Variants in DIXDC1 observed in about 807,000 individuals in gnomAD.
DIXDC1 encodes the protein dixin.
In DIXDC1, 64 loss-of-function variants were observed where a neutral mutation model predicts 103.1. The observed-to-expected ratio is 0.62, with a 90% CI of 0.51 to 0.76. DIXDC1 has a LOEUF of 0.76. Among genes scored for constraint, DIXDC1 ranks in the 30% least tolerant of loss-of-function variants. The pLI, the probability that DIXDC1 is intolerant of heterozygous loss-of-function variation, is 0.00. For missense variants in DIXDC1, 759 were observed against 834.2 expected (o/e 0.91, Z 1.11); for synonymous variants, 266 against 298.5 (o/e 0.89, Z 1.12).
chr11:111,969,379 A>G (rs1859838897), intron 3 of DIXDC1, among the ~76,000 whole-genome samples: 1 of 152,188 alleles, frequency 6.6e-6, no homozygotes, highest in African/African-American at 2.4e-5. Context: ...TTTCATGACA[A>G]AATATTATTT....
intron 1 of DIXDC1, chr11:111,929,714 G>T: frequency 1.6e-6 from 1 of 617,380 alleles, no homozygotes; most frequent in Non-Finnish European, 2.7e-6. Flanking sequence ...GACTTAAGTT[G>T]GTAGGTTTTG....
chr11:111,990,237 C>T (rs941317079), intron 10 of DIXDC1, among the ~76,000 whole-genome samples: 4 of 151,682 alleles, frequency 2.6e-5, no homozygotes, highest in African/African-American at 4.9e-5. Flanking sequence ...ATTACAGGTG[C>T]GCACCATCAC....
intron 10 of DIXDC1, among the ~76,000 whole-genome samples, chr11:111,990,750 G>A (rs1308538111): frequency 4.0e-5 from 6 of 151,774 alleles, no homozygotes; most frequent in African/African-American, 1.5e-4. Context: ...CTGTCGCCCA[G>A]AGCTGGAGTG....
chr11:111,933,780 C>T (rs1555167897), upstream of DIXDC1, among the ~76,000 whole-genome samples: 1 of 150,158 alleles, frequency 6.7e-6, no homozygotes, highest in East Asian at 1.9e-4. Flanking sequence ...TTCAAACTGC[C>T]TTTCTGTTTC....
In DIXDC1 at chr11:112,020,936, G is replaced by A. The variant is rs1165267697; in HGVS notation, c.*1900G>A. The A allele has an allele frequency of 6.6e-6, 1 of 152,244 alleles. No homozygotes were observed. Among genetic ancestry groups the A allele is most frequent in the African/African-American group, 2.4e-5 (1 of 41,466 alleles). The allele number at this position is 152,244 out of a possible 1,614,324, so 9.4% of individuals were successfully genotyped here. On this transcript the variant is annotated 3_prime_UTR_variant, in exon 20 of 20. Transcript: ENST00000440460. ...TCACAGTTTTTCCCCAGGAAGTCTGGAGAAAAAGTCCTCATGTCACCAATT... is the reference window on the plus strand; with the variant it reads ...TCACAGTTTTTCCCCAGGAAGTCTGAAGAAAAAGTCCTCATGTCACCAATT...
chr11:111,947,752 T>C (rs1425742332), intron 1 of DIXDC1, among the ~76,000 whole-genome samples: 7 of 152,230 alleles, frequency 4.6e-5, no homozygotes, highest in African/African-American at 1.4e-4. Context: ...TTAGATGCCA[T>C]TGAACAGATT....
chr11:111,935,258 G>A (rs1318137916), upstream of DIXDC1, among the ~76,000 whole-genome samples: 2 of 152,246 alleles, frequency 1.3e-5, no homozygotes, highest in Non-Finnish European at 2.9e-5. Flanking sequence ...CTGAGTGACT[G>A]TGAGCACCTC....
chr11:111,949,322 C>T (rs1273966896), intron 1 of DIXDC1, among the ~76,000 whole-genome samples: 12 of 152,148 alleles, frequency 7.9e-5, no homozygotes, highest in East Asian at 5.8e-4. Flanking sequence ...CTCTCAAAAC[C>T]GAGCCATTGA....
In DIXDC1 at chr11:111,956,907, G is replaced by A. The variant is rs1373285565; in HGVS notation, c.61-7642G>A. Among the ~76,000 whole-genome samples the A allele has an allele frequency of 6.6e-5, 10 of 152,002 alleles. No individual in the cohort carries two copies. The South Asian group carries it at 8.3e-4, about 13-fold the overall frequency. ...GAGGGCCAGGCATGGGAGTTCATGC[G>A]TGTAATCCCAGCACTTTGGGAGGCT... On this transcript the variant is annotated intron_variant, in intron 1 of 19. Coordinates refer to ENST00000440460, the MANE Select transcript of DIXDC1 (RefSeq NM_001037954.4).
chr11:112,006,583 T>TAC (rs1326416795), intron 17 of DIXDC1, among the ~76,000 whole-genome samples: 2 of 152,148 alleles, frequency 1.3e-5, no homozygotes, highest in African/African-American at 4.8e-5. Flanking sequence ...GGACAAAGCT[T>TAC]ACAGAGGAAG....
Position 112,018,962 on chromosome 11 carries a change from C to G in DIXDC1, c.1978C>G (p.His660Asp). The G allele has an allele frequency of 1.2e-6, 2 of 1,611,146 alleles. No homozygotes were observed. The highest frequency in any genetic ancestry group is 1.7e-6 in the Non-Finnish European group (2 of 1,178,176). The change falls in exon 20 of 20, where the codon CAT becomes GAT. Residue 660 changes from histidine (H) to aspartate (D), a missense_variant. This residue lies in a region of DIXDC1 where 657 missense variants were observed against 727.5 expected (regional missense o/e 0.90). Coordinates refer to ENST00000440460, the MANE Select transcript of DIXDC1 (RefSeq NM_001037954.4). ...EFGTVKEEIF[H>D]DDDAIPGWEG... ...TTTTTGTTTTTTTCTCTAGATTTTC[C>G]ATGATGATGATGCCATCCCTGGATG... is the stretch of plus-strand genomic sequence containing the variant.
At chr11:111,974,398 A>G in intron 4 of DIXDC1, 144 bp downstream of exon 4, 1 of 737,090 alleles carries the variant, frequency 1.4e-6, no homozygotes, top group South Asian at 2.0e-5. Context: ...AGGGGAGGGC[A>G]CTCTCAAAAG....
In DIXDC1 at chr11:111,977,997, C is replaced by G. The variant is rs756896755; in HGVS notation, c.657-2740C>G. On this transcript the variant is annotated intron_variant, in intron 5 of 19. Coordinates refer to ENST00000440460, the MANE Select transcript of DIXDC1 (RefSeq NM_001037954.4). This position sits in a 1 kb window ranked among gnomAD's most constrained non-coding sequence, Gnocchi z 6.1. ...ATGGGGGGAGGATGAGTAGCCCTTGCGCCTGCCAGGGTCTTTGGTGGGGGA... is the reference window on the plus strand; with the variant it reads ...ATGGGGGGAGGATGAGTAGCCCTTGGGCCTGCCAGGGTCTTTGGTGGGGGA... Among the ~76,000 whole-genome samples, 5 of 151,976 alleles carry G rather than the reference C, an allele frequency of 3.3e-5. No individual in the cohort carries two copies. Among genetic ancestry groups the G allele is most frequent in the Non-Finnish European group, 5.9e-5 (4 of 67,994 alleles).
intron 17 of DIXDC1, among the ~76,000 whole-genome samples, chr11:112,014,345 C>T (rs1025902859): frequency 6.6e-6 from 1 of 152,188 alleles, no homozygotes; most frequent in African/African-American, 2.4e-5. Flanking sequence ...TGGCTGCTGC[C>T]TACTTAATTA....
At chr11:111,939,816 G>A (rs1367179513) in intron 1 of DIXDC1, among the ~76,000 whole-genome samples, 1 of 152,158 alleles carries the variant, frequency 6.6e-6, no homozygotes, top group Non-Finnish European at 1.5e-5. Context: ...AATCGATCCA[G>A]TAATATCAAT....
rs369579341 is a variant in DIXDC1, at chr11:111,995,580, T to G, written c.1689+16T>G. On this transcript the variant is annotated intron_variant, in intron 16 of 19. Coordinates refer to ENST00000440460, the MANE Select transcript of DIXDC1 (RefSeq NM_001037954.4). ...AGAAAGAAAGGTAACCCTCTTGCTG[T>G]GGTATCTCTCTTAGGCAAGCTCCTG... is the stretch of plus-strand genomic sequence containing the variant. 4 of 1,613,212 alleles carry G rather than the reference T, an allele frequency of 2.5e-6. No individual in the cohort carries two copies. The highest frequency in any genetic ancestry group is 2.5e-6 in the Non-Finnish European group (3 of 1,179,778).
intron 1 of DIXDC1, among the ~76,000 whole-genome samples, 153 bp from the exon 2 acceptor site, chr11:111,964,396 T>C (rs782601215): frequency 2.0e-5 from 3 of 152,266 alleles, no homozygotes; most frequent in Non-Finnish European, 4.4e-5. Flanking sequence ...GACCATGATA[T>C]AATCTTTCTT....
In DIXDC1 at chr11:112,018,025, C is replaced by T. The variant is rs782651034; in HGVS notation, c.1971+140C>T. Reference sequence around the variant, plus strand: ...ATTTGCCAGAGCCTCAGACCATGGTCTGATTACTCTAGACAAGTGGTCATA... The same window carrying T: ...ATTTGCCAGAGCCTCAGACCATGGTTTGATTACTCTAGACAAGTGGTCATA... On this transcript the variant is annotated intron_variant, in intron 19 of 19. Coordinates refer to ENST00000440460, the MANE Select transcript of DIXDC1 (RefSeq NM_001037954.4). 5.2e-6 allele frequency: 3 copies of T among 578,492 alleles called. No homozygotes were observed. The Admixed American group carries it at 9.2e-5, about 18-fold the overall frequency. The allele number at this position is 578,492 out of a possible 1,614,324, so 35.8% of individuals were successfully genotyped here. A position where few individuals can be genotyped will look rare whatever the true frequency, so the allele number is the denominator to read the frequency against.
At chr11:111,994,612 A>G (rs959581246) in intron 14 of DIXDC1, among the ~76,000 whole-genome samples, 8 of 151,256 alleles carry the variant, frequency 5.3e-5, no homozygotes, top group African/African-American at 1.9e-4. Context: ...ATGTATGTAT[A>G]TGTATGTGTA....
Sources: allele counts gnomAD v4.1 joint callset (sites outside exome capture counted in the v4.1 genomes callset), GRCh38; gene constraint gnomAD v4.1.1; regional missense constraint gnomAD v4.1.1; non-coding constraint Gnocchi (gnomAD v3.1); transcripts MANE v1.5; gene names NCBI Gene and HGNC (gene_info 2026-07-23, HGNC 2026-07-21).